COL4A1: variants seen among roughly 807,000 people sequenced by gnomAD.
COL4A1 encodes collagen type IV alpha 1 chain, also known as collagen alpha-1(IV) chain.
Under a neutral mutation model 216.6 loss-of-function variants are expected in COL4A1, and 40 were observed. That is an observed-to-expected ratio of 0.18 (90% CI 0.14 to 0.24). The LOEUF (loss-of-function observed/expected upper bound fraction) is 0.24, where lower values mean the gene tolerates loss of function less well. COL4A1 is among the 10% of genes least tolerant of loss of function. The pLI is 1.00. For synonymous variants in COL4A1, 839 were observed against 810.7 expected (o/e 1.03, Z -0.59); for missense variants, 1,628 against 2,196.8 (o/e 0.74, Z 5.18).
intron 2 of COL4A1, among the ~76,000 whole-genome samples, chr13:110,226,181 CA>C (rs1880728762): frequency 1.3e-5 from 2 of 152,134 alleles, no homozygotes; most frequent in Non-Finnish European, 2.9e-5. Context: ...CTAAGACAGA[CA>C]TAAGAAAATT....
chr13:110,259,657 T>G (rs1192690327), intron 1 of COL4A1, among the ~76,000 whole-genome samples: 1 of 152,192 alleles, frequency 6.6e-6, no homozygotes, highest in Non-Finnish European at 1.5e-5. Flanking sequence ...TAAAAACAAG[T>G]GAAACTAAAA....
chr13:110,213,809 T>C lies in COL4A1; in HGVS notation c.252A>G (p.Pro84=). 1 of 1,614,180 alleles carries C rather than the reference T, an allele frequency of 6.2e-7. No homozygotes were observed. Among genetic ancestry groups the C allele is most frequent in the Non-Finnish European group, 8.5e-7 (1 of 1,180,012 alleles). The change falls in exon 4 of 52, where the codon CCA becomes CCG. Residue 84 remains proline (P), a synonymous_variant. Coordinates refer to ENST00000375820, the MANE Select transcript of COL4A1 (RefSeq NM_001845.6). ...PPGQKGDTGE[P]GLPGTKGTRG... ...TTGTCCCTTTTGTTCCAGGTAGTCC[T>C]GGTTCTCCAGTATCACCCTGGAACA...
chr13:110,307,045 G>A lies in COL4A1; in HGVS notation c.-18C>T, dbSNP rs1222089552. 6.9e-7 allele frequency: 1 copy of A among 1,451,038 alleles called. No homozygotes were observed. Among genetic ancestry groups the A allele is most frequent in the Non-Finnish European group, 9.0e-7 (1 of 1,106,258 alleles). The allele number at this position is 1,451,038 out of a possible 1,614,324, so 89.9% of individuals were successfully genotyped here. ...GGCCCCATGGTGGCGCGCCCGAGGC[G>A]GCGAGGGACGGCTGCCCGGCGTGCG... On this transcript the variant is annotated 5_prime_UTR_variant, in exon 1 of 52. Coordinates refer to ENST00000375820, the MANE Select transcript of COL4A1 (RefSeq NM_001845.6). This position sits in a 1 kb window ranked among gnomAD's most constrained non-coding sequence, Gnocchi z 5.0.
intron 34 of COL4A1, 72 bp from the exon 35 acceptor site, chr13:110,176,796 G>T (rs555183113): frequency 8.7e-6 from 14 of 1,613,724 alleles, no homozygotes; most frequent in African/African-American, 1.3e-5. Context: ...AACGCAGGTT[G>T]GTTTGGTTAT....
At chr13:110,276,791 C>T (rs1883448578) in intron 1 of COL4A1, among the ~76,000 whole-genome samples, 1 of 152,202 alleles carries the variant, frequency 6.6e-6, no homozygotes, top group African/African-American at 2.4e-5. Flanking sequence ...GTTCAAAACT[C>T]TGCAGTATAA....
chr13:110,177,254 C>T (rs755224305), intron 33 of COL4A1, among the ~76,000 whole-genome samples: 1 of 152,164 alleles, frequency 6.6e-6, no homozygotes, highest in East Asian at 1.9e-4. Flanking sequence ...ATTCATTATT[C>T]GCTAATAACT....
At chr13:110,151,040 C>G (rs1256761946) in intron 51 of COL4A1, among the ~76,000 whole-genome samples, 1 of 152,162 alleles carries the variant, frequency 6.6e-6, no homozygotes, top group Non-Finnish European at 1.5e-5. Flanking sequence ...GTTTCTCAAG[C>G]TTAGAAACTC....
chr13:110,201,527 A>C lies in COL4A1; in HGVS notation c.1000-5T>G, dbSNP rs75711155. The C allele has an allele frequency of 1.8e-3, 2,831 of 1,613,776 alleles. 8 individuals carry two copies. Among genetic ancestry groups the C allele is most frequent in the Non-Finnish European group, 2.0e-3 (2,318 of 1,179,638 alleles). ...CAAAGGTCCTGTGCCTATAACCTGAATCGAGAAGGAAAAGGTGATCATCCC... is the reference window on the plus strand; with the variant it reads ...CAAAGGTCCTGTGCCTATAACCTGACTCGAGAAGGAAAAGGTGATCATCCC... On this transcript the variant is annotated splice_region_variant and splice_polypyrimidine_tract_variant and intron_variant, in intron 18 of 51. Coordinates refer to ENST00000375820, the MANE Select transcript of COL4A1 (RefSeq NM_001845.6).
chr13:110,193,113 T>A (rs114072486), intron 22 of COL4A1, among the ~76,000 whole-genome samples, 200 bp from the exon 23 acceptor site: 2,076 of 152,322 alleles, frequency 0.014, 44 homozygotes, highest in African/African-American at 0.047. Flanking sequence ...TGTCTGTCAA[T>A]GAACGGGCCC....
chr13:110,162,155 C>G, intron 48 of COL4A1, 75 bp downstream of exon 48: 2 of 1,326,058 alleles, frequency 1.5e-6, no homozygotes, highest in Non-Finnish European at 2.2e-6. Flanking sequence ...GCAGCAGAGG[C>G]GAGTCCAGCA....
chr13:110,163,367 C>A (rs936916317), intron 47 of COL4A1, 96 bp downstream of exon 47: 10 of 1,024,458 alleles, frequency 9.8e-6, no homozygotes, highest in Admixed American at 9.5e-5. Context: ...AGTGATATAT[C>A]CAACTTCATT....
rs773584833 is a variant in COL4A1, at chr13:110,160,142, T to G, written c.4640+1050A>C. ...CATTTTACCAAAATTAAAAATAACTTTTAAAAAAATTCATAGGGGGCCGGG... is the reference window on the plus strand; with the variant it reads ...CATTTTACCAAAATTAAAAATAACTGTTAAAAAAATTCATAGGGGGCCGGG... On this transcript the variant is annotated intron_variant, in intron 49 of 51. Transcript: ENST00000375820. Among the ~76,000 whole-genome samples the G allele has an allele frequency of 2.3e-3, 346 of 152,242 alleles. 7 individuals carry two copies. The highest frequency in any genetic ancestry group is 7.2e-4 in the Non-Finnish European group (49 of 68,014).
chr13:110,187,369 C>T, intron 24 of COL4A1, 40 bp from the exon 25 acceptor site: 1 of 1,606,992 alleles, frequency 6.2e-7, no homozygotes, highest in South Asian at 1.1e-5. Flanking sequence ...AAGAACCCAT[C>T]CATGAAGCAC....
At chr13:110,248,971 TTG>T (rs1881957894) in intron 1 of COL4A1, among the ~76,000 whole-genome samples, 4 of 152,128 alleles carry the variant, frequency 2.6e-5, no homozygotes, top group Non-Finnish European at 5.9e-5. Context: ...GCTGTGCTGC[TTG>T]TGTCACGCTT....
At chr13:110,169,525 C>CACACACAT (rs1259982232) in intron 43 of COL4A1, 104 bp downstream of exon 43, 26 of 1,501,232 alleles carry the variant, frequency 1.7e-5, no homozygotes, top group Middle Eastern at 3.4e-4. Flanking sequence ...CACACACACA[C>CACACACAT]ATATATATAC....
intron 1 of COL4A1, among the ~76,000 whole-genome samples, chr13:110,257,796 GA>G (rs1882644698): frequency 6.6e-6 from 1 of 152,200 alleles, no homozygotes; most frequent in Non-Finnish European, 1.5e-5. Flanking sequence ...CTAATTAATT[GA>G]CAAGCGTAAT....
At position 110,287,799 on chromosome 13, in the gene COL4A1, G is replaced by A. The variant is rs1352881816; in HGVS notation, c.84+19145C>T. 2.0e-5 allele frequency among the ~76,000 whole-genome samples: 3 copies of A among 152,296 alleles called. No homozygotes were observed. In the South Asian group the frequency reaches 6.2e-4, roughly 32 times the overall value. ...TCCAAGAGAAACGTTTCCTTTCAGG[G>A]GCTAATGCAGGCGCTACAATACCTG... is the stretch of plus-strand genomic sequence containing the variant. On this transcript the variant is annotated intron_variant, in intron 1 of 51. Coordinates refer to ENST00000375820, the MANE Select transcript of COL4A1 (RefSeq NM_001845.6).
chr13:110,171,291 G>A (rs1026374385), intron 41 of COL4A1, among the ~76,000 whole-genome samples: 39 of 152,172 alleles, frequency 2.6e-4, no homozygotes, highest in African/African-American at 9.4e-4. Flanking sequence ...AAGGCAGATG[G>A]ACGGTTGCTT....
chr13:110,186,524 G>A lies in COL4A1; in HGVS notation c.1758C>T (p.Gly586=), dbSNP rs1594560899. 1 of 1,613,858 alleles carries A rather than the reference G, an allele frequency of 6.2e-7. No individual in the cohort carries two copies. The highest frequency in any genetic ancestry group is 1.3e-5 in the African/African-American group (1 of 74,928). The change falls in exon 26 of 52, where the codon GGC becomes GGT. Residue 586 remains glycine, a synonymous_variant. Transcript: ENST00000375820. ...PGSVGLKGER[G]PPGGVGFPGS... ...CTGGGAATCCAACTCCTCCAGGGGG[G>A]CCACGCTCTCCTTTCAATCCTACAG...
Sources: gnomAD v4.1 joint callset for allele counts (sites outside exome capture counted in the v4.1 genomes callset) on GRCh38, gnomAD v4.1.1 for gene constraint, Gnocchi (gnomAD v3.1) non-coding constraint, MANE v1.5 for transcripts, NCBI Gene and HGNC (gene_info 2026-07-23, HGNC 2026-07-21) for gene names.